CREB5: variants seen among roughly 807,000 people sequenced by gnomAD.
The protein encoded by CREB5 is cyclic AMP-responsive element-binding protein 5.
CREB5 carries 19 observed loss-of-function variants against 57.1 expected under a neutral mutation model. That is an observed-to-expected ratio of 0.33 (90% CI 0.23 to 0.49). The LOEUF (loss-of-function observed/expected upper bound fraction) is 0.49. Among genes scored for constraint, CREB5 ranks in the 20% least tolerant of loss-of-function variants. The pLI is 0.99. For missense variants in CREB5, 579 were observed against 671.6 expected (o/e 0.86, Z 1.52); for synonymous variants, 238 against 238.3 (o/e 1.00, Z 0.01).
intron 5 of CREB5, among the ~76,000 whole-genome samples, chr7:28,672,941 A>G (rs1421905567): frequency 6.6e-6 from 1 of 152,216 alleles, no homozygotes; most frequent in Non-Finnish European, 1.5e-5. Context: ...TGAAGTAACC[A>G]TTATGGCATT....
intron 4 of CREB5, among the ~76,000 whole-genome samples, chr7:28,566,705 C>T (rs1447680530): frequency 6.6e-6 from 1 of 152,034 alleles, no homozygotes; most frequent in South Asian, 2.1e-4. Context: ...AGTGATAATG[C>T]TTTTGCTGGG....
chr7:28,372,067 G>A (rs1786717375), intron 1 of CREB5, among the ~76,000 whole-genome samples: 1 of 152,166 alleles, frequency 6.6e-6, no homozygotes, highest in African/African-American at 2.4e-5. Flanking sequence ...TAAAGATGCT[G>A]TTAGCAGTGG....
chr7:28,384,366 T>G (rs758698626), intron 1 of CREB5, among the ~76,000 whole-genome samples: 1 of 152,138 alleles, frequency 6.6e-6, no homozygotes, highest in Non-Finnish European at 1.5e-5. Flanking sequence ...TTGAATAGTG[T>G]CTGTATTAGT....
chr7:28,776,758 C>T (rs1391854472), intron 7 of CREB5, among the ~76,000 whole-genome samples: 1 of 152,186 alleles, frequency 6.6e-6, no homozygotes, highest in East Asian at 1.9e-4. Context: ...CTACGGATTG[C>T]CTCTTTGGAT....
Position 28,404,318 on chromosome 7 carries a change from G to GA in CREB5, c.-24-90588_-24-90587insA, listed in dbSNP as rs111751044. On this transcript the variant is annotated intron_variant, in intron 1 of 9. Coordinates refer to the CREB5 transcript ENST00000396299. ...TGTTTATGTTTCTTGGGATGCCATT[G>GA]GTTTTTTTTGCATCCCAAGAAAGTT... is the stretch of plus-strand genomic sequence containing the variant. Among the ~76,000 whole-genome samples the GA allele has an allele frequency of 2.2e-3, 334 of 152,142 alleles. 3 individuals carry two copies. Among genetic ancestry groups the GA allele is most frequent in the African/African-American group, 7.6e-3 (316 of 41,494 alleles).
intron 9 of CREB5, among the ~76,000 whole-genome samples, chr7:28,815,696 G>A (rs1392797329): frequency 2.6e-5 from 4 of 152,162 alleles, no homozygotes; most frequent in Admixed American, 2.6e-4. Context: ...CTGGGAGATC[G>A]AATGCTGCCA....
chr7:28,474,743 A>T (rs78685155), intron 1 of CREB5, among the ~76,000 whole-genome samples: 91 of 152,258 alleles, frequency 6.0e-4, no homozygotes, highest in Non-Finnish European at 1.1e-3. Flanking sequence ...GAAAAGGGGG[A>T]TAGGAACACT....
In CREB5 at chr7:28,725,123, T is replaced by C. The variant is rs76870050; in HGVS notation, c.702+791T>C. Among the ~76,000 whole-genome samples, 1,437 of 152,354 alleles carry C rather than the reference T, an allele frequency of 9.4e-3. 38 individuals carry two copies. The highest frequency in any genetic ancestry group is 0.033 in the African/African-American group (1,352 of 41,578). Reference sequence around the variant, plus strand: ...CTGCAAAATACACTGCAGCAAACTTTCTAGCATCTGATATTGGATAAGGAT... The same window carrying C: ...CTGCAAAATACACTGCAGCAAACTTCCTAGCATCTGATATTGGATAAGGAT... On this transcript the variant is annotated intron_variant, in intron 7 of 10. Transcript: ENST00000357727.
At chr7:28,474,031 T>C (rs1351952023) in intron 1 of CREB5, among the ~76,000 whole-genome samples, 1 of 152,202 alleles carries the variant, frequency 6.6e-6, no homozygotes, top group African/African-American at 2.4e-5. Flanking sequence ...CTTACTCCAC[T>C]GACTCTCCTG....
chr7:28,541,994 T>C (rs1008219686), intron 4 of CREB5, among the ~76,000 whole-genome samples: 1 of 152,232 alleles, frequency 6.6e-6, no homozygotes, highest in African/African-American at 2.4e-5. Context: ...CTTAAAGCTA[T>C]TTATAGTTTT....
At position 28,486,670 on chromosome 7, in the gene CREB5, T is replaced by TTATATATATA. The variant is rs139222705; in HGVS notation, c.4-1491_4-1482dup. On this transcript the variant is annotated intron_variant, in intron 1 of 10. Transcript: ENST00000357727. ...AACTAAACGTGTATCTCCTATGATT[T>TTATATATATA]TATATATATATATATATATATATGT... is the stretch of plus-strand genomic sequence containing the variant. 9.7e-3 allele frequency among the ~76,000 whole-genome samples: 866 copies of TTATATATATA among 89,098 alleles called. 95 individuals carry two copies. The highest frequency in any genetic ancestry group is 0.027 in the African/African-American group (625 of 23,444). 58.5% of individuals were successfully genotyped at this position (89,098 alleles called of 152,430 possible). A position where few individuals can be genotyped will look rare whatever the true frequency, so the allele number is the denominator to read the frequency against.
chr7:28,435,800 G>A, intron 1 of CREB5: 1 of 369,702 alleles, frequency 2.7e-6, no homozygotes, highest in Non-Finnish European at 3.7e-6. Flanking sequence ...TTCTGCCATT[G>A]CTCACTTGTT....
intron 7 of CREB5, among the ~76,000 whole-genome samples, chr7:28,747,259 C>T (rs1238623929): frequency 6.6e-6 from 1 of 152,216 alleles, no homozygotes; most frequent in Non-Finnish European, 1.5e-5. Flanking sequence ...ACACACACAG[C>T]ACCTGCTTGG....
intron 4 of CREB5, among the ~76,000 whole-genome samples, chr7:28,566,558 A>G (rs1329548791): frequency 6.6e-6 from 1 of 152,224 alleles, no homozygotes; most frequent in Non-Finnish European, 1.5e-5. Flanking sequence ...ATTTATCTAG[A>G]GGTAAAACGC....
chr7:28,538,210 C>A (rs149521749), intron 4 of CREB5, among the ~76,000 whole-genome samples: 164 of 152,230 alleles, frequency 1.1e-3, no homozygotes, highest in African/African-American at 3.6e-3. Context: ...CTCCCCACCA[C>A]GCCCAGCTAA....
chr7:28,700,433 G>A (rs535486535), intron 5 of CREB5, among the ~76,000 whole-genome samples: 1 of 152,208 alleles, frequency 6.6e-6, no homozygotes, highest in East Asian at 1.9e-4. Flanking sequence ...ATTCCTGCAG[G>A]GCAGCAATGA....
intron 1 of CREB5, among the ~76,000 whole-genome samples, chr7:28,404,309 G>A (rs1462069647): frequency 6.6e-6 from 1 of 152,096 alleles, no homozygotes; most frequent in African/African-American, 2.4e-5. Context: ...TGTTTCTTGG[G>A]ATGCCATTGG....
At chr7:28,633,777 A>T (rs1012666553) in intron 5 of CREB5, among the ~76,000 whole-genome samples, 4 of 152,198 alleles carry the variant, frequency 2.6e-5, no homozygotes, top group Non-Finnish European at 5.9e-5. Flanking sequence ...ACATAAAGAC[A>T]GAGGTAGTGG....
rs533207852 is a variant in CREB5 at position 28,499,362 on chromosome 7, G to A, written c.169+4363G>A. 5.3e-5 allele frequency among the ~76,000 whole-genome samples: 8 copies of A among 152,196 alleles called. No individual in the cohort carries two copies. The East Asian group carries it at 1.6e-3, about 30-fold the overall frequency. On this transcript the variant is annotated intron_variant, in intron 3 of 10. Transcript: ENST00000357727. ...AAGTTCAGTCTTTACTGTGGAGAGA[G>A]GTTGAGACAGCCCTCCAAGGTAGGG...
Sources: gnomAD v4.1 joint callset for allele counts (sites outside exome capture counted in the v4.1 genomes callset) on GRCh38, gnomAD v4.1.1 for gene constraint, MANE v1.5 for transcripts, NCBI Gene and HGNC (gene_info 2026-07-23, HGNC 2026-07-21) for gene names.